OXCT1: variants seen among roughly 807,000 people sequenced by gnomAD.
OXCT1 encodes the protein 3-oxoacid CoA-transferase 1.
A neutral mutation model predicts 69.6 loss-of-function variants in OXCT1; 27 were observed. The observed-to-expected ratio is 0.39, with a 90% CI of 0.29 to 0.54. The LOEUF (loss-of-function observed/expected upper bound fraction) is 0.54. Ranked by LOEUF, OXCT1 falls within the 20% of genes least tolerant of loss-of-function variation. OXCT1 has a pLI of 0.72. For missense variants in OXCT1, 437 were observed against 650.2 expected (o/e 0.67, Z 3.57); for synonymous variants, 202 against 217.8 (o/e 0.93, Z 0.64).
intron 13 of OXCT1, among the ~76,000 whole-genome samples, chr5:41,791,824 CG>C (rs969733030): frequency 7.3e-5 from 11 of 151,638 alleles, no homozygotes; most frequent in African/African-American, 2.7e-4. Flanking sequence ...TTTTATGAGA[CG>C]GAGTCTCGCT....
chr5:41,738,080 T>A (rs1742980430), intron 16 of OXCT1, among the ~76,000 whole-genome samples: 1 of 152,100 alleles, frequency 6.6e-6, no homozygotes, highest in African/African-American at 2.4e-5. Flanking sequence ...TATGCACTGA[T>A]AGGTACAAGC....
chr5:41,780,578 TAG>T (rs1745346261), intron 13 of OXCT1, among the ~76,000 whole-genome samples: 2 of 152,202 alleles, frequency 1.3e-5, no homozygotes, highest in Non-Finnish European at 1.5e-5. Flanking sequence ...GAGAATTGTG[TAG>T]AGTGTCTAAG....
At chr5:41,842,103 T>A (rs1471288161) in intron 6 of OXCT1, among the ~76,000 whole-genome samples, 3 of 152,198 alleles carry the variant, frequency 2.0e-5, no homozygotes, top group Non-Finnish European at 4.4e-5. Flanking sequence ...AAGATATAAA[T>A]ACTTAGTATG....
At chr5:41,861,467 G>T in intron 2 of OXCT1, 63 bp from the exon 3 acceptor site, 2 of 956,722 alleles carry the variant, frequency 2.1e-6, no homozygotes, top group Non-Finnish European at 1.7e-6. Flanking sequence ...TCAGAGAAGT[G>T]TGTGTTATTC....
At chr5:41,854,919 C>A (rs1032440091) in intron 3 of OXCT1, among the ~76,000 whole-genome samples, 25 of 152,262 alleles carry the variant, frequency 1.6e-4, no homozygotes, top group East Asian at 1.4e-3. Context: ...TCAGCAATTC[C>A]ATTCTGGGTC....
At chr5:41,794,847 T>C in intron 11 of OXCT1, 98 bp from the exon 12 acceptor site, 1 of 1,327,232 alleles carries the variant, frequency 7.5e-7, no homozygotes, top group East Asian at 2.3e-5. Flanking sequence ...CCAAAAGAAC[T>C]TAAGCTCCCT....
chr5:41,845,865 A>C (rs1028284021), intron 5 of OXCT1, among the ~76,000 whole-genome samples: 2 of 152,158 alleles, frequency 1.3e-5, no homozygotes, highest in African/African-American at 4.8e-5. Flanking sequence ...TAGACAGTAA[A>C]GGAAAAAGAT....
At chr5:41,857,723 C>T (rs1749498095) in intron 3 of OXCT1, among the ~76,000 whole-genome samples, 1 of 152,160 alleles carries the variant, frequency 6.6e-6, no homozygotes, top group Admixed American at 6.5e-5. Context: ...ATACAAATTC[C>T]AGTGTTCTTT....
chr5:41,747,387 A>C (rs917364367), intron 15 of OXCT1, among the ~76,000 whole-genome samples: 8 of 152,086 alleles, frequency 5.3e-5, no homozygotes, highest in African/African-American at 1.9e-4. Context: ...CTCACCATTC[A>C]ATCCAGTTTT....
At chr5:41,794,118 C>T (rs759570949) in intron 12 of OXCT1, 40 bp from the exon 13 acceptor site, 106 of 1,454,126 alleles carry the variant, frequency 7.3e-5, no homozygotes, top group Non-Finnish European at 1.0e-4. Flanking sequence ...ACCTCATAAG[C>T]TTTTGTCCCC....
chr5:41,766,281 A>G (rs1744594010), intron 13 of OXCT1, among the ~76,000 whole-genome samples: 1 of 152,128 alleles, frequency 6.6e-6, no homozygotes, highest in Admixed American at 6.6e-5. Context: ...GCTCCATCAC[A>G]ACAGTTATAC....
rs72746946 is a variant in OXCT1, at chr5:41,798,912, C to T, written c.1099+2110G>A. On this transcript the variant is annotated intron_variant, in intron 11 of 16. Coordinates refer to ENST00000196371, the MANE Select transcript of OXCT1 (RefSeq NM_000436.4). ...TCACAAGCAGGAGACTGGGTATGAA[C>T]TCAGTCCCTAGCAATGTTATCTTGA... Among the ~76,000 whole-genome samples, 1,054 of 152,270 alleles carry T rather than the reference C, an allele frequency of 6.9e-3. 4 individuals are homozygous for T. Among genetic ancestry groups the T allele is most frequent in the Non-Finnish European group, 0.011 (757 of 68,012 alleles).
chr5:41,801,627 C>T (rs1746429786), intron 10 of OXCT1, among the ~76,000 whole-genome samples: 1 of 152,106 alleles, frequency 6.6e-6, no homozygotes, highest in Non-Finnish European at 1.5e-5. Flanking sequence ...AACTACATCA[C>T]ATTATTTGGC....
At chr5:41,836,634 G>A (rs1483293033) in intron 7 of OXCT1, among the ~76,000 whole-genome samples, 1 of 152,116 alleles carries the variant, frequency 6.6e-6, no homozygotes, top group African/African-American at 2.4e-5. Context: ...TCAGGCGTTA[G>A]TTAGATTCTC....
At chr5:41,766,408 C>G (rs1744600225) in intron 13 of OXCT1, among the ~76,000 whole-genome samples, 1 of 152,048 alleles carries the variant, frequency 6.6e-6, no homozygotes, top group Admixed American at 6.6e-5. Context: ...TGATGATCCA[C>G]TTTTTTCTAG....
intron 15 of OXCT1, among the ~76,000 whole-genome samples, chr5:41,744,857 C>T (rs552020741): frequency 2.8e-4 from 43 of 152,192 alleles, no homozygotes; most frequent in African/African-American, 9.1e-4. Flanking sequence ...GGGATCAATT[C>T]AACAAGAAGA....
intron 13 of OXCT1, among the ~76,000 whole-genome samples, chr5:41,773,878 T>TA (rs1745000300): frequency 6.6e-6 from 1 of 152,160 alleles, no homozygotes; most frequent in Non-Finnish European, 1.5e-5. Flanking sequence ...AACAGTGTTT[T>TA]AAAATCCCTG....
At chr5:41,753,408 G>A (rs1313428220) in intron 14 of OXCT1, among the ~76,000 whole-genome samples, 1 of 152,012 alleles carries the variant, frequency 6.6e-6, no homozygotes, top group African/African-American at 2.4e-5. Context: ...TACAGAGAAG[G>A]CAAGTTCTGG....
intron 9 of OXCT1, among the ~76,000 whole-genome samples, chr5:41,804,120 T>C (rs779113639): frequency 6.6e-6 from 1 of 152,120 alleles, no homozygotes. Flanking sequence ...GGTCACTTCT[T>C]GTGGATAGAG....
Sources: gnomAD v4.1 joint callset for allele counts (sites outside exome capture counted in the v4.1 genomes callset) on GRCh38, gnomAD v4.1.1 for gene constraint, MANE v1.5 for transcripts, NCBI Gene and HGNC (gene_info 2026-07-23, HGNC 2026-07-21) for gene names.